Variants in PTPRC observed in about 807,000 individuals in gnomAD.
PTPRC encodes protein tyrosine phosphatase receptor type C.
In PTPRC, 44 loss-of-function variants were observed where a neutral mutation model predicts 155.9. The ratio of observed to expected loss-of-function variants is 0.28; its 90% CI spans 0.22 to 0.36. The LOEUF (loss-of-function observed/expected upper bound fraction) is 0.36, where lower values mean the gene tolerates loss of function less well. Among genes scored for constraint, PTPRC ranks in the 10% least tolerant of loss-of-function variants. The pLI is 1.00. For synonymous variants in PTPRC, 525 were observed against 533.1 expected, an observed-to-expected ratio of 0.98 and a Z score of 0.21; for missense variants, 1,401 against 1,564.6, an observed-to-expected ratio of 0.90 and a Z score of 1.76.
intron 13 of PTPRC, 31 bp from the exon 14 acceptor site, chr1:198,718,063 A>ATTAATAAT: frequency 6.6e-7 from 1 of 1,518,002 alleles, no homozygotes; most frequent in Non-Finnish European, 9.1e-7. Context: ...CTATTAAATT[A>ATTAATAAT]TTAATAACAA....
intron 2 of PTPRC, among the ~76,000 whole-genome samples, chr1:198,684,700 A>G (rs1665521986): frequency 6.6e-6 from 1 of 151,866 alleles, no homozygotes; most frequent in African/African-American, 2.4e-5. Context: ...GCCAGTATCT[A>G]TTGACTTCTT....
intron 25 of PTPRC, among the ~76,000 whole-genome samples, chr1:198,743,725 G>T (rs1036191230): frequency 6.6e-6 from 1 of 151,680 alleles, no homozygotes; most frequent in African/African-American, 2.4e-5. Flanking sequence ...TCAGTAATTT[G>T]GCTTACTGAC....
intron 2 of PTPRC, among the ~76,000 whole-genome samples, chr1:198,655,622 C>CT (rs3835633): frequency 0.69 from 104,645 of 151,912 alleles, 37,380 homozygotes; most frequent in East Asian, 0.89. Flanking sequence ...TTCTTTAAGC[C>CT]TGGTTTCTTT....
chr1:198,722,546 T>C, intron 15 of PTPRC, 70 bp downstream of exon 15: 1 of 895,182 alleles, frequency 1.1e-6, no homozygotes, highest in Non-Finnish European at 1.5e-6. Flanking sequence ...CTATATTATT[T>C]TACACTTATA....
At chr1:198,720,778 T>C (rs1653848654) in intron 14 of PTPRC, among the ~76,000 whole-genome samples, 1 of 152,116 alleles carries the variant, frequency 6.6e-6, no homozygotes, top group African/African-American at 2.4e-5. Context: ...TTTGAGTGAG[T>C]GTGCTATATA....
At chr1:198,716,263 G>T (rs1653580672) in intron 12 of PTPRC, among the ~76,000 whole-genome samples, 1 of 152,110 alleles carries the variant, frequency 6.6e-6, no homozygotes, top group Admixed American at 6.5e-5. Flanking sequence ...ATTCAAAACA[G>T]TAGCTAATAC....
rs1653864240 is a variant in PTPRC, at chr1:198,721,079, T to A, written c.1660-1337T>A. Among the ~76,000 whole-genome samples the A allele has an allele frequency of 1.3e-5, 2 of 152,238 alleles. 1 individual carries two copies. Among genetic ancestry groups the A allele is most frequent in the South Asian group, 4.1e-4 (2 of 4,830 alleles). ...CAACCTTAACGTTCAAAGTAGGAGA[T>A]AATTATTCAGTTTCGAATTCTCTTC... On this transcript the variant is annotated intron_variant, in intron 14 of 32. Coordinates refer to ENST00000442510, the MANE Select transcript of PTPRC (RefSeq NM_002838.5).
intron 23 of PTPRC, among the ~76,000 whole-genome samples, chr1:198,737,450 T>A (rs777192969): frequency 2.0e-5 from 3 of 151,640 alleles, no homozygotes; most frequent in Non-Finnish European, 3.0e-5. Flanking sequence ...GTGGAGACTG[T>A]CCTTTCCCCA....
At position 198,754,348 on chromosome 1, in the gene PTPRC, A is replaced by G; in HGVS notation, c.3589A>G (p.Ile1197Val). 6.2e-7 allele frequency: 1 copy of G among 1,613,312 alleles called. No homozygotes were observed. Among genetic ancestry groups the G allele is most frequent in the Non-Finnish European group, 8.5e-7 (1 of 1,179,568 alleles). ...TGCGGAAACAGAAGAGGTAGTGGAT[A>G]TTTTTCAAGTGGTAAAAGCTCTACG... ...ESAETEEVVD[I>V]FQVVKALRKA... Residue 1197 changes from isoleucine (I) to valine (V), a missense_variant, in exon 32 of 33, where the codon ATT becomes GTT. Physicochemically the swap from Ile to Val is conservative, Grantham distance 29. Around this residue, in one of 3 missense-constraint regions of PTPRC, gnomAD observed 400 missense variants for 389.5 expected, o/e 1.03. Coordinates refer to ENST00000442510, the MANE Select transcript of PTPRC (RefSeq NM_002838.5).
In PTPRC at chr1:198,694,051, C is replaced by A. The variant is rs560218157; in HGVS notation, c.100+1678C>A. ...CAAGCTGAGGAGCAAGGAAGCCAATCCAAGTCACCAAACCTCAAAAGTAGG... is the reference window on the plus strand; with the variant it reads ...CAAGCTGAGGAGCAAGGAAGCCAATACAAGTCACCAAACCTCAAAAGTAGG... On this transcript the variant is annotated intron_variant, in intron 3 of 32. Coordinates refer to ENST00000442510, the MANE Select transcript of PTPRC (RefSeq NM_002838.5). 116 of 1,549,110 alleles carry A rather than the reference C, an allele frequency of 7.5e-5. 4 individuals carry two copies. In the South Asian group the frequency reaches 1.3e-3, roughly 18 times the overall value.
Position 198,677,901 on chromosome 1 carries a change from C to G in PTPRC, c.74-14446C>G, listed in dbSNP as rs892977374. On this transcript the variant is annotated intron_variant, in intron 2 of 32. Coordinates refer to ENST00000442510, the MANE Select transcript of PTPRC (RefSeq NM_002838.5). Reference sequence around the variant, plus strand: ...GCTAGGATTCAAAACTAGGTCATTCCGAGGAGAATATAAAGTCCAGCTTTT... The same window carrying G: ...GCTAGGATTCAAAACTAGGTCATTCGGAGGAGAATATAAAGTCCAGCTTTT... 2.6e-5 allele frequency among the ~76,000 whole-genome samples: 4 copies of G among 151,626 alleles called. No individual in the cohort carries two copies. The East Asian group carries it at 7.7e-4, about 29-fold the overall frequency.
At chr1:198,644,336 A>G (rs1662815176) in intron 2 of PTPRC, among the ~76,000 whole-genome samples, 1 of 151,866 alleles carries the variant, frequency 6.6e-6, no homozygotes, top group South Asian at 2.1e-4. Flanking sequence ...TTTTTAAGAT[A>G]TGATACACCA....
intron 2 of PTPRC, among the ~76,000 whole-genome samples, chr1:198,661,511 T>C (rs1008372209): frequency 6.6e-6 from 1 of 151,880 alleles, no homozygotes; most frequent in African/African-American, 2.4e-5. Context: ...TGTTGTAATA[T>C]TATATACCAT....
chr1:198,747,548 T>C (rs1456425299), intron 26 of PTPRC, among the ~76,000 whole-genome samples: 1 of 151,758 alleles, frequency 6.6e-6, no homozygotes, highest in East Asian at 1.9e-4. Context: ...TTGTTGATGT[T>C]TTACAAGCGA....
At chr1:198,665,627 T>C (rs1664246996) in intron 2 of PTPRC, among the ~76,000 whole-genome samples, 2 of 152,220 alleles carry the variant, frequency 1.3e-5, no homozygotes, top group Non-Finnish European at 1.5e-5. Context: ...GATCTCTTCA[T>C]GCAGTTATAT....
intron 14 of PTPRC, among the ~76,000 whole-genome samples, chr1:198,722,007 AT>A (rs1444614991): frequency 4.6e-5 from 7 of 151,488 alleles, no homozygotes; most frequent in South Asian, 2.1e-4. Context: ...CCTTAAAAAA[AT>A]GTATGTGCAT....
intron 25 of PTPRC, 119 bp downstream of exon 25, chr1:198,742,486 G>T: frequency 1.6e-6 from 2 of 1,273,214 alleles, no homozygotes; most frequent in East Asian, 4.9e-5. Context: ...AACAGTAGAT[G>T]ATTTCCTGAA....
At chr1:198,678,797 T>C (rs1010933437) in intron 2 of PTPRC, among the ~76,000 whole-genome samples, 2 of 151,962 alleles carry the variant, frequency 1.3e-5, no homozygotes, top group African/African-American at 4.8e-5. Flanking sequence ...GATGCTTTGC[T>C]CTATTACTGT....
intron 13 of PTPRC, 105 bp from the exon 14 acceptor site, chr1:198,717,989 C>G (rs969073464): frequency 1.0e-6 from 1 of 965,606 alleles, no homozygotes; most frequent in African/African-American, 1.6e-5. Flanking sequence ...TTTATAACCC[C>G]CAAGCTAACA....
Sources: allele counts gnomAD v4.1 joint callset (sites outside exome capture counted in the v4.1 genomes callset), GRCh38; gene constraint gnomAD v4.1.1; regional missense constraint gnomAD v4.1.1; transcripts MANE v1.5; gene names NCBI Gene and HGNC (gene_info 2026-07-23, HGNC 2026-07-21).